The following CCDC201 variants were observed in gnomAD, a reference collection of about 807,000 sequenced individuals.
CCDC201 encodes the protein coiled-coil domain-containing protein 201.
chr7:45,873,416 A>T (rs997762072), upstream of CCDC201, among the ~76,000 whole-genome samples: 9 of 152,060 alleles, frequency 5.9e-5, no homozygotes, highest in African/African-American at 2.2e-4. Flanking sequence ...CATGTCAAGA[A>T]AAGAGGACCC....
chr7:45,882,729 T>C, the CCDC201 span, among the ~76,000 whole-genome samples: 2 of 152,236 alleles, frequency 1.3e-5, no homozygotes, highest in Non-Finnish European at 2.9e-5. Flanking sequence ...GAATCACTGA[T>C]AGTGGTTTCC....
the CCDC201 span, among the ~76,000 whole-genome samples, chr7:45,883,820 A>C: frequency 6.6e-6 from 1 of 151,518 alleles, no homozygotes; most frequent in South Asian, 2.1e-4. Flanking sequence ...TTCCCCCTCT[A>C]CATCTTTGAG....
the CCDC201 span, among the ~76,000 whole-genome samples, chr7:45,878,801 T>C: frequency 2.6e-5 from 4 of 152,268 alleles, no homozygotes; most frequent in Non-Finnish European, 4.4e-5. Flanking sequence ...CCTTTACTTA[T>C]GCAAATTTCT....
upstream of CCDC201, among the ~76,000 whole-genome samples, chr7:45,875,107 CAT>C (rs1309949593): frequency 9.2e-5 from 14 of 152,248 alleles, no homozygotes; most frequent in African/African-American, 3.4e-4. Flanking sequence ...TGGATGTACA[CAT>C]GTGTGCATAC....
chr7:45,871,571 G>A (rs1232566792), intron 1 of CCDC201, among the ~76,000 whole-genome samples: 2 of 152,090 alleles, frequency 1.3e-5, no homozygotes, highest in Non-Finnish European at 2.9e-5. Flanking sequence ...GGCCATAAAA[G>A]AGCTAGACTA....
chr7:45,885,021 T>A, the CCDC201 span, among the ~76,000 whole-genome samples: 1 of 152,022 alleles, frequency 6.6e-6, no homozygotes, highest in Non-Finnish European at 1.5e-5. Flanking sequence ...GAAGAGCAAT[T>A]CATTCTGAGG....
the CCDC201 span, among the ~76,000 whole-genome samples, chr7:45,884,426 C>G: frequency 6.6e-6 from 1 of 152,184 alleles, no homozygotes; most frequent in Admixed American, 6.5e-5. Context: ...GATATCCACT[C>G]TCTTAGCCTG....
At chr7:45,882,878 G>C in the CCDC201 span, among the ~76,000 whole-genome samples, 15,578 of 152,188 alleles carry the variant, frequency 0.1, 983 homozygotes, top group East Asian at 0.2. Context: ...CCAAACAACT[G>C]TTCATCCCTG....
intron 1 of CCDC201, among the ~76,000 whole-genome samples, chr7:45,869,484 C>G (rs534980383): frequency 6.6e-6 from 1 of 152,142 alleles, no homozygotes; most frequent in Non-Finnish European, 1.5e-5. Flanking sequence ...CAGTCTTGGC[C>G]GGAAAGGAGG....
chr7:45,880,459 C>G, the CCDC201 span, among the ~76,000 whole-genome samples: 8 of 152,294 alleles, frequency 5.3e-5, no homozygotes, highest in East Asian at 1.5e-3. Context: ...TGATGGCACC[C>G]CAGGTGATGG....
chr7:45,860,149 C>A (rs6972866), exon 3 of CCDC201: 10,276 of 151,924 alleles, frequency 0.068, 576 homozygotes, highest in African/African-American at 0.15. Flanking sequence ...GGGGGGATCT[C>A]ACAAAGTACA....
the CCDC201 span, among the ~76,000 whole-genome samples, chr7:45,878,482 A>G: frequency 6.6e-6 from 1 of 152,160 alleles, no homozygotes; most frequent in African/African-American, 2.4e-5. Context: ...CTAAGCCTCA[A>G]CTCTTGCCTC....
intron 2 of CCDC201, among the ~76,000 whole-genome samples, chr7:45,864,116 C>T (rs1786636784): frequency 6.6e-6 from 1 of 152,166 alleles, no homozygotes; most frequent in African/African-American, 2.4e-5. Flanking sequence ...AGAGGGTGAC[C>T]TCTAGGGAGG....
At chr7:45,881,216 C>T in the CCDC201 span, among the ~76,000 whole-genome samples, 15,539 of 152,144 alleles carry the variant, frequency 0.1, 977 homozygotes, top group East Asian at 0.2. Flanking sequence ...GAGTGAGCAA[C>T]AGGGAGCTCT....
chr7:45,883,511 C>A, the CCDC201 span, among the ~76,000 whole-genome samples: 2 of 152,244 alleles, frequency 1.3e-5, no homozygotes, highest in East Asian at 1.9e-4. Flanking sequence ...GGTCCTCAAC[C>A]TTTGGGTGGT....
intron 1 of CCDC201, among the ~76,000 whole-genome samples, chr7:45,871,206 A>C (rs1786739975): frequency 6.6e-6 from 1 of 152,210 alleles, no homozygotes; most frequent in Non-Finnish European, 1.5e-5. Context: ...GGTACATCTC[A>C]AATAATTAGA....
At chr7:45,867,185 G>A (rs1480244329) in intron 1 of CCDC201, among the ~76,000 whole-genome samples, 4 of 152,204 alleles carry the variant, frequency 2.6e-5, no homozygotes, top group Non-Finnish European at 5.9e-5. Flanking sequence ...ATGTTAAAGT[G>A]ACCTGACAGC....
Position 45,864,757 on chromosome 7 carries a change from C to T in CCDC201, c.477+1279G>A, listed in dbSNP as rs78453931. ...AGAAAATATCATCATGCAGTAACCT[C>T]GGAAGACAGAACTGAGCAACTCTCC... On this transcript the variant is annotated intron_variant, in intron 2 of 2. Transcript: ENST00000636578. 1.1e-3 allele frequency among the ~76,000 whole-genome samples: 160 copies of T among 152,178 alleles called. 4 individuals are homozygous for T. The South Asian group carries it at 0.019, about 18-fold the overall frequency.
the CCDC201 span, among the ~76,000 whole-genome samples, chr7:45,882,483 T>C: frequency 1.3e-5 from 2 of 152,254 alleles, no homozygotes; most frequent in Non-Finnish European, 2.9e-5. Context: ...AGAGCTGTTC[T>C]GCTGTTGATA....
Sources: gnomAD v4.1 joint callset for allele counts (sites outside exome capture counted in the v4.1 genomes callset) on GRCh38, gnomAD v4.1.1 for gene constraint, MANE v1.5 for transcripts, NCBI Gene and HGNC (gene_info 2026-07-23, HGNC 2026-07-21) for gene names.